Variants in DENND2B observed in about 807,000 individuals in gnomAD.
DENND2B encodes DENN domain containing 2B, also known as DENN domain-containing protein 2B.
In DENND2B, 32 loss-of-function variants were observed where a neutral mutation model predicts 116.0. The ratio of observed to expected loss-of-function variants is 0.28; its 90% CI spans 0.21 to 0.37. The LOEUF is 0.37. Among genes scored for constraint, DENND2B ranks in the 10% least tolerant of loss-of-function variants. DENND2B has a pLI of 1.00. For synonymous variants in DENND2B, 588 were observed against 583.9 expected (o/e 1.01, Z -0.10); for missense variants, 1,276 against 1,477.7 (o/e 0.86, Z 2.24).
At chr11:8,736,881 G>T (rs536081854) in intron 2 of DENND2B, among the ~76,000 whole-genome samples, 1 of 152,202 alleles carries the variant, frequency 6.6e-6, no homozygotes, top group Non-Finnish European at 1.5e-5. Flanking sequence ...GAGTGGATGT[G>T]AGCAGGACAG....
chr11:8,887,945 G>A (rs2063980705), intron 1 of DENND2B, among the ~76,000 whole-genome samples: 2 of 152,146 alleles, frequency 1.3e-5, no homozygotes, highest in Non-Finnish European at 2.9e-5. Flanking sequence ...TACTACTGGG[G>A]ATGGGGAGAA....
chr11:8,889,443 G>A (rs1278891028), intron 1 of DENND2B, among the ~76,000 whole-genome samples: 1 of 152,206 alleles, frequency 6.6e-6, no homozygotes, highest in African/African-American at 2.4e-5. Context: ...AGCAGGGCGA[G>A]GCATCGCCTC....
intron 13 of DENND2B, chr11:8,703,066 G>A: frequency 4.0e-6 from 1 of 251,588 alleles, no homozygotes; most frequent in Middle Eastern, 1.3e-3. Context: ...ACATCTCTAG[G>A]GTCCTCCTGC....
At chr11:8,903,566 A>G (rs913990706) in intron 1 of DENND2B, among the ~76,000 whole-genome samples, 1 of 152,086 alleles carries the variant, frequency 6.6e-6, no homozygotes, top group African/African-American at 2.4e-5. Flanking sequence ...GAATATTACC[A>G]ATAGCTTTTT....
rs1293467114 is a variant in DENND2B at position 8,702,712 on chromosome 11, C to T, written c.2580G>A (p.Glu860=). ...GCCTTGAGTCCATGGGCCGCCGCAG[C>T]TCTAACACCTGCAGGAGAGCGATGG... is the stretch of plus-strand genomic sequence containing the variant. ...FLPGAGNEVL[E]LRRPMDSRLE... is the part of the protein sequence containing the mutation. Residue 860 remains glutamate, a synonymous_variant, in exon 14 of 20, where the codon GAG becomes GAA. Transcript: ENST00000313726. This position sits in a 1 kb window ranked among gnomAD's most constrained non-coding sequence, Gnocchi z 4.6. 1.2e-6 allele frequency: 2 copies of T among 1,612,746 alleles called. No homozygotes were observed. The highest frequency in any genetic ancestry group is 1.1e-5 in the South Asian group (1 of 91,066).
At chr11:8,897,414 T>C (rs925459077) in intron 1 of DENND2B, among the ~76,000 whole-genome samples, 1 of 152,158 alleles carries the variant, frequency 6.6e-6, no homozygotes, top group African/African-American at 2.4e-5. Flanking sequence ...AGCTCCAACA[T>C]AGTAGTTCTA....
chr11:8,845,165 A>G (rs1454063344), intron 3 of DENND2B: 1 of 152,256 alleles, frequency 6.6e-6, no homozygotes, highest in Admixed American at 6.5e-5. Flanking sequence ...TATTAAACAT[A>G]AAAAGTAAAA....
Position 8,717,758 on chromosome 11 carries a change from T to C in DENND2B, c.1612A>G (p.Asn538Asp), listed in dbSNP as rs759537527. 2 of 1,574,734 alleles carry C rather than the reference T, an allele frequency of 1.3e-6. No homozygotes were observed. The highest frequency in any genetic ancestry group is 1.7e-6 in the Non-Finnish European group (2 of 1,155,142). The part of the protein sequence containing the change: ...RMWSPQDRKY[N>D]SPPTQLSLKP... ...TGAGTTACCTGTGTGGGCGGGCTGT[T>C]GTACTTCCTGTCCTGAGGACTCCAC... Residue 538 changes from asparagine (N) to aspartate (D), a missense_variant, in exon 5 of 20, where the codon AAC becomes GAC. Physicochemically the swap from Asn to Asp is conservative, Grantham distance 23. This residue lies in a region of DENND2B where 856 missense variants were observed against 846.6 expected (regional missense o/e 1.01). Transcript: ENST00000313726.
rs143632896 is a variant in DENND2B at position 8,799,918 on chromosome 11, TTTATTATTATTATTA to T, written c.-26+10584_-26+10598del. 8.5e-3 allele frequency among the ~76,000 whole-genome samples: 1,221 copies of T among 143,642 alleles called. 11 individuals carry two copies. The highest frequency in any genetic ancestry group is 0.018 in the African/African-American group (695 of 38,702). The allele number at this position is 143,642 out of a possible 152,430, so 94.2% of individuals were successfully genotyped here. ...TACAGTCCTCAGTCTTCACCATGTA[TTTATTATTATTATTA>T]TTATTATTATTATTATTATTATTAT... On this transcript the variant is annotated intron_variant, in intron 1 of 19. Coordinates refer to ENST00000313726, the MANE Select transcript of DENND2B (RefSeq NM_213618.2).
In DENND2B at chr11:8,726,052, GCCA is replaced by G. The variant is rs770538876; in HGVS notation, c.1477+18_1477+20del. ...TGCAGCCCCCTGAGATGACCCAGGT[GCCA>G]CCTCTGCCATTGCTTACCCACAATA... On this transcript the variant is annotated intron_variant, in intron 4 of 19. Transcript: ENST00000313726. 10 of 1,613,742 alleles carry G rather than the reference GCCA, an allele frequency of 6.2e-6. No homozygotes were observed. The highest frequency in any genetic ancestry group is 7.6e-6 in the Non-Finnish European group (9 of 1,179,858).
At chr11:8,871,874 G>C (rs2063786903), upstream of DENND2B, among the ~76,000 whole-genome samples, 1 of 152,168 alleles carries the variant, frequency 6.6e-6, no homozygotes, top group Non-Finnish European at 1.5e-5. Flanking sequence ...ACTTGGAAAA[G>C]AAAAATGTAA....
rs542942854 is a variant in DENND2B, at chr11:8,829,066, G to A, written c.-115+10244C>T. 8.1e-3 allele frequency among the ~76,000 whole-genome samples: 1,213 copies of A among 149,616 alleles called. 9 individuals are homozygous for A. Among genetic ancestry groups the A allele is most frequent in the Non-Finnish European group, 0.013 (868 of 67,170 alleles). ...TGTGTTTGTGTGTGGTGTGTGTGGT[G>A]TGGTGTGTATGGTGTGTTTGTGTGT... On this transcript the variant is annotated intron_variant, in intron 4 of 6. Coordinates refer to the DENND2B transcript ENST00000524757.
At chr11:8,742,877 C>T (rs2050462162) in intron 2 of DENND2B, among the ~76,000 whole-genome samples, 1 of 151,966 alleles carries the variant, frequency 6.6e-6, no homozygotes, top group Non-Finnish European at 1.5e-5. Flanking sequence ...CCAGCCTGAC[C>T]AACATGGAGA....
chr11:8,726,786 T>G (rs1018493907), intron 3 of DENND2B, among the ~76,000 whole-genome samples: 1 of 152,186 alleles, frequency 6.6e-6, no homozygotes, highest in African/African-American at 2.4e-5. Flanking sequence ...GGCTCAACAC[T>G]GGGAGGGTCC....
At chr11:8,824,381 C>G (rs1006914477) in intron 4 of DENND2B, among the ~76,000 whole-genome samples, 1 of 152,116 alleles carries the variant, frequency 6.6e-6, no homozygotes, top group Non-Finnish European at 1.5e-5. Context: ...GCCTTGGTGC[C>G]TGTTCTTCTC....
intron 1 of DENND2B, among the ~76,000 whole-genome samples, chr11:8,762,204 T>C (rs1165697643): frequency 6.6e-6 from 1 of 152,228 alleles, no homozygotes; most frequent in African/African-American, 2.4e-5. Flanking sequence ...CCCTCCATTG[T>C]CTGGGTCCCT....
chr11:8,739,165 CACA>C (rs561306368), intron 2 of DENND2B, among the ~76,000 whole-genome samples: 14 of 152,198 alleles, frequency 9.2e-5, no homozygotes, highest in Non-Finnish European at 1.9e-4. Context: ...TATGCCTGCT[CACA>C]ACATTGTCTG....
intron 2 of DENND2B, among the ~76,000 whole-genome samples, chr11:8,870,136 C>T (rs545112556): frequency 6.6e-6 from 1 of 152,232 alleles, no homozygotes; most frequent in African/African-American, 2.4e-5. Context: ...AGCAGAAACA[C>T]CTGGTTGGTA....
At position 8,731,181 on chromosome 11, in the gene DENND2B, G is replaced by T; in HGVS notation, c.109C>A (p.Leu37Ile). 1 of 1,524,628 alleles carries T rather than the reference G, an allele frequency of 6.6e-7. No homozygotes were observed. Among genetic ancestry groups the T allele is most frequent in the Non-Finnish European group, 8.8e-7 (1 of 1,136,966 alleles). The allele number at this position is 1,524,628 out of a possible 1,614,324, so 94.4% of individuals were successfully genotyped here. A position where few individuals can be genotyped will look rare whatever the true frequency, so the allele number is the denominator to read the frequency against. The change falls in exon 3 of 20, where the codon CTC becomes ATC. Residue 37 changes from leucine to isoleucine, a missense_variant. By Grantham distance (5) the Leu-to-Ile change is conservative (BLOSUM62 2). This residue lies in a region of DENND2B where 856 missense variants were observed against 846.6 expected (regional missense o/e 1.01). Coordinates refer to ENST00000313726, the MANE Select transcript of DENND2B (RefSeq NM_213618.2). The part of the protein sequence containing the change: ...RSQSVSPPPV[L>I]SPPRSPIYPL... Reference sequence around the variant, plus strand: ...TAGATGGGACTCCTTGGTGGGGAGAGAACTGGAGGTGGAGAGACTGACTGA... The same window carrying T: ...TAGATGGGACTCCTTGGTGGGGAGATAACTGGAGGTGGAGAGACTGACTGA...
Sources: allele counts gnomAD v4.1 joint callset (sites outside exome capture counted in the v4.1 genomes callset), GRCh38; gene constraint gnomAD v4.1.1; regional missense constraint gnomAD v4.1.1; non-coding constraint Gnocchi (gnomAD v3.1); transcripts MANE v1.5; gene names NCBI Gene and HGNC (gene_info 2026-07-23, HGNC 2026-07-21).